NHSL1: variants seen among roughly 807,000 people sequenced by gnomAD.
NHSL1 encodes NHS-like protein 1.
NHSL1 carries 48 observed loss-of-function variants against 95.0 expected under a neutral mutation model. The observed-to-expected ratio is 0.51, with a 90% CI of 0.40 to 0.64. NHSL1 has a LOEUF of 0.64. Among genes scored for constraint, NHSL1 ranks in the 30% least tolerant of loss-of-function variants. The pLI is 0.00. For synonymous variants in NHSL1, 783 were observed against 833.9 expected, an observed-to-expected ratio of 0.94 and a Z score of 1.05; for missense variants, 1,971 against 2,077.7, an observed-to-expected ratio of 0.95 and a Z score of 1.00.
At chr6:138,581,037 T>C (rs1044015993) in intron 1 of NHSL1, among the ~76,000 whole-genome samples, 2 of 152,214 alleles carry the variant, frequency 1.3e-5, no homozygotes, top group Non-Finnish European at 2.9e-5. Flanking sequence ...GGATCTTCCC[T>C]AGAAACTCTG....
chr6:138,517,514 A>C (rs567653557), intron 1 of NHSL1, among the ~76,000 whole-genome samples: 1 of 152,366 alleles, frequency 6.6e-6, no homozygotes, highest in African/African-American at 2.4e-5. Flanking sequence ...ATCAGTATTT[A>C]GGGAAAGAAC....
intron 2 of NHSL1, among the ~76,000 whole-genome samples, chr6:138,490,367 T>C (rs985987846): frequency 1.3e-5 from 2 of 152,092 alleles, no homozygotes; most frequent in African/African-American, 2.4e-5. Context: ...GGAGAACCGA[T>C]GGCGAAAGAC....
chr6:138,463,470 A>T (rs1335577814), intron 3 of NHSL1, among the ~76,000 whole-genome samples: 4 of 150,508 alleles, frequency 2.7e-5, no homozygotes, highest in African/African-American at 9.8e-5. Flanking sequence ...GGATAACTAA[A>T]ATAAGGTTTC....
chr6:138,493,234 AG>A (rs1460850419), intron 2 of NHSL1, among the ~76,000 whole-genome samples: 1 of 152,266 alleles, frequency 6.6e-6, no homozygotes, highest in Non-Finnish European at 1.5e-5. Flanking sequence ...CAGACTTTAA[AG>A]GTTGCACTCC....
Position 138,556,137 on chromosome 6 carries a change from G to A in NHSL1, c.202+15573C>T, listed in dbSNP as rs139175825. Among the ~76,000 whole-genome samples the A allele has an allele frequency of 4.6e-5, 7 of 151,868 alleles. No individual in the cohort carries two copies. The East Asian group carries it at 1.2e-3, about 25-fold the overall frequency. On this transcript the variant is annotated intron_variant, in intron 1 of 6. Coordinates refer to the NHSL1 transcript ENST00000427025. ...CGAGAGAAGAAAATGTGTGGTCATT[G>A]CTTCAATAAGAGCTCTCTCTAAATA...
upstream of NHSL1, among the ~76,000 whole-genome samples, chr6:138,501,025 G>A (rs1780645947): frequency 6.6e-6 from 1 of 152,230 alleles, no homozygotes; most frequent in Admixed American, 6.5e-5. Context: ...ATCTGCAAGA[G>A]TGACCTCGCT....
At chr6:138,544,070 T>C (rs1041734666) in intron 1 of NHSL1, among the ~76,000 whole-genome samples, 3 of 152,182 alleles carry the variant, frequency 2.0e-5, no homozygotes, top group African/African-American at 7.2e-5. Flanking sequence ...GAGAAAAATA[T>C]GTTGAAGCTG....
At chr6:138,555,451 G>A (rs1021784293) in intron 1 of NHSL1, among the ~76,000 whole-genome samples, 1 of 152,212 alleles carries the variant, frequency 6.6e-6, no homozygotes, top group African/African-American at 2.4e-5. Context: ...CGAGGCAGGT[G>A]TGCTTCTGAC....
chr6:138,659,113 G>C (rs1785193823), intron 1 of NHSL1, among the ~76,000 whole-genome samples: 1 of 143,100 alleles, frequency 7.0e-6, no homozygotes, highest in South Asian at 2.3e-4. Flanking sequence ...GTAGTGGCAA[G>C]ATCTTGGCTC....
At chr6:138,667,079 T>C (rs1167085044) in intron 1 of NHSL1, among the ~76,000 whole-genome samples, 2 of 152,222 alleles carry the variant, frequency 1.3e-5, no homozygotes, top group East Asian at 1.9e-4. Flanking sequence ...TAATGTCCAA[T>C]TGCATCTTTC....
chr6:138,637,171 C>T (rs567741622), intron 1 of NHSL1, among the ~76,000 whole-genome samples: 130 of 152,090 alleles, frequency 8.5e-4, no homozygotes, highest in African/African-American at 3.0e-3. Context: ...CAATAAATGG[C>T]GCTGGGAAAA....
At chr6:138,537,591 C>T (rs5015729) in intron 1 of NHSL1, among the ~76,000 whole-genome samples, 75,014 of 151,558 alleles carry the variant, frequency 0.49, 19,808 homozygotes, top group African/African-American at 0.68. Flanking sequence ...CTTATGTAAG[C>T]TTTACTTAAT....
intron 1 of NHSL1, among the ~76,000 whole-genome samples, chr6:138,569,200 C>T (rs1414652340): frequency 6.6e-6 from 1 of 151,768 alleles, no homozygotes; most frequent in Admixed American, 6.6e-5. Context: ...TGTTAAGCTA[C>T]AGTTGCCCTA....
chr6:138,569,316 C>T (rs917874313), intron 1 of NHSL1, among the ~76,000 whole-genome samples: 1 of 150,802 alleles, frequency 6.6e-6, no homozygotes, highest in East Asian at 1.9e-4. Context: ...AGAGAGAGAG[C>T]GAGAGAGTGG....
At chr6:138,501,493 G>A (rs984322041), upstream of NHSL1, among the ~76,000 whole-genome samples, 20 of 152,168 alleles carry the variant, frequency 1.3e-4, no homozygotes, top group East Asian at 3.9e-4. Context: ...GTGAAAAGTC[G>A]AGATTTGAGC....
intron 1 of NHSL1, among the ~76,000 whole-genome samples, chr6:138,685,987 T>C (rs1785580006): frequency 6.6e-6 from 1 of 152,082 alleles, no homozygotes; most frequent in Non-Finnish European, 1.5e-5. Context: ...ATGAAACTCA[T>C]AGAAGCAGAG....
At chr6:138,542,133 A>G (rs1469956162) in intron 1 of NHSL1, among the ~76,000 whole-genome samples, 1 of 152,240 alleles carries the variant, frequency 6.6e-6, no homozygotes, top group Non-Finnish European at 1.5e-5. Flanking sequence ...TAAGAAAAAC[A>G]TCTGACACAG....
chr6:138,575,301 T>C (rs1252492498), upstream of NHSL1, among the ~76,000 whole-genome samples: 1 of 152,174 alleles, frequency 6.6e-6, no homozygotes, highest in Non-Finnish European at 1.5e-5. Flanking sequence ...ATTGGTATCA[T>C]TAGTAACTGG....
At chr6:138,562,008 G>T (rs1268596034) in intron 1 of NHSL1, among the ~76,000 whole-genome samples, 1 of 152,240 alleles carries the variant, frequency 6.6e-6, no homozygotes, top group African/African-American at 2.4e-5. Flanking sequence ...AATGCTCAGA[G>T]ATGCTGAATT....
Sources: allele counts gnomAD v4.1 joint callset (sites outside exome capture counted in the v4.1 genomes callset), GRCh38; gene constraint gnomAD v4.1.1; transcripts MANE v1.5; gene names NCBI Gene and HGNC (gene_info 2026-07-23, HGNC 2026-07-21).